Variants in RALYL observed in about 807,000 individuals in gnomAD.
The protein encoded by RALYL is RNA-binding Raly-like protein.
RALYL carries 29 observed loss-of-function variants against 35.1 expected under a neutral mutation model. That is an observed-to-expected ratio of 0.83 (90% CI 0.61 to 1.13). The LOEUF is 1.13. Among genes scored for constraint, RALYL ranks in the 50% most tolerant of loss-of-function variants. The pLI is 0.00. For missense variants in RALYL, 359 were observed against 360.4 expected, an observed-to-expected ratio of 1.00 and a Z score of 0.03; for synonymous variants, 120 against 127.6, an observed-to-expected ratio of 0.94 and a Z score of 0.40.
intron 2 of RALYL, among the ~76,000 whole-genome samples, chr8:84,537,022 C>T (rs1382829510): frequency 6.6e-6 from 1 of 151,880 alleles, no homozygotes; most frequent in East Asian, 1.9e-4. Context: ...TTATGTTATA[C>T]AGATTATGCA....
In RALYL at chr8:84,317,116, A is replaced by T. The variant is rs567072084; in HGVS notation, c.-24+132692A>T. On this transcript the variant is annotated intron_variant, in intron 1 of 8. Transcript: ENST00000521268. ...AGAGCAGCAGGGATGAAGCACATAA[A>T]AACTTGCACTACATATTATTTTGTG... Among the ~76,000 whole-genome samples the T allele has an allele frequency of 7.3e-4, 111 of 152,294 alleles. 4 individuals are homozygous for T. In the South Asian group the frequency reaches 0.022, roughly 30 times the overall value.
In RALYL at chr8:84,899,604, A is replaced by C. The variant is rs528465230; in HGVS notation, c.858+11828A>C. ...AAGCAAACAGTTTTCATTATAGCTTAATCACTAGGTCATTCAGGCAGCAGC... is the reference window on the plus strand; with the variant it reads ...AAGCAAACAGTTTTCATTATAGCTTCATCACTAGGTCATTCAGGCAGCAGC... On this transcript the variant is annotated intron_variant, in intron 8 of 8. Coordinates refer to ENST00000521268, the MANE Select transcript of RALYL (RefSeq NM_173848.7). 2.0e-5 allele frequency among the ~76,000 whole-genome samples: 3 copies of C among 152,246 alleles called. No individual in the cohort carries two copies. The East Asian group carries it at 5.8e-4, about 29-fold the overall frequency.
chr8:84,490,346 G>A (rs1245662207), intron 1 of RALYL, among the ~76,000 whole-genome samples: 2 of 151,984 alleles, frequency 1.3e-5, no homozygotes, highest in East Asian at 1.9e-4. Context: ...CCCTCAAGGG[G>A]CCATAGCAAA....
intron 4 of RALYL, among the ~76,000 whole-genome samples, chr8:84,829,683 G>A (rs1376334456): frequency 6.6e-6 from 1 of 152,046 alleles, no homozygotes; most frequent in Non-Finnish European, 1.5e-5. Context: ...AAAAGATACA[G>A]GTGACTCTTG....
chr8:84,428,127 C>CACACACAA (rs1442602557), intron 1 of RALYL, among the ~76,000 whole-genome samples: 1 of 151,616 alleles, frequency 6.6e-6, no homozygotes, highest in African/African-American at 2.4e-5. Flanking sequence ...CACACACACA[C>CACACACAA]ACACACACAC....
chr8:84,688,863 C>T (rs556657095), intron 2 of RALYL, among the ~76,000 whole-genome samples: 5 of 151,982 alleles, frequency 3.3e-5, no homozygotes, highest in African/African-American at 1.2e-4. Context: ...GTAAGAAACT[C>T]AATAGCGAAC....
At chr8:84,483,309 T>C (rs978874496) in intron 1 of RALYL, among the ~76,000 whole-genome samples, 3 of 152,224 alleles carry the variant, frequency 2.0e-5, no homozygotes, top group African/African-American at 7.2e-5. Context: ...GATATAAACT[T>C]TGAAATACTA....
intron 4 of RALYL, among the ~76,000 whole-genome samples, chr8:84,847,841 C>A (rs1485359534): frequency 6.6e-6 from 1 of 152,128 alleles, no homozygotes; most frequent in Admixed American, 6.5e-5. Flanking sequence ...ATTTCAGCAC[C>A]TGAACCCAAA....
intron 1 of RALYL, among the ~76,000 whole-genome samples, chr8:84,425,182 C>A (rs1165783992): frequency 1.3e-5 from 2 of 152,152 alleles, no homozygotes; most frequent in African/African-American, 4.8e-5. Flanking sequence ...TCTCAGACTG[C>A]TGTGCTAGCA....
At chr8:84,368,592 A>G (rs1290202853) in intron 1 of RALYL, among the ~76,000 whole-genome samples, 3 of 152,156 alleles carry the variant, frequency 2.0e-5, no homozygotes, top group Non-Finnish European at 4.4e-5. Context: ...TCATGGTGGA[A>G]GGTGAAAGGC....
chr8:84,462,601 ATT>A (rs10667055), intron 1 of RALYL, among the ~76,000 whole-genome samples: 14 of 136,778 alleles, frequency 1.0e-4, no homozygotes, highest in East Asian at 4.2e-4. Context: ...ATCTAGATTC[ATT>A]TTTTTTTTTT....
At chr8:84,570,039 C>G (rs1035514359) in intron 2 of RALYL, among the ~76,000 whole-genome samples, 2 of 151,814 alleles carry the variant, frequency 1.3e-5, no homozygotes, top group African/African-American at 4.8e-5. Flanking sequence ...CATATTTCTT[C>G]TTTTTGATGA....
rs76885544 is a variant in RALYL at position 84,372,886 on chromosome 8, G to GTTTTTTTTTTTTTTTT, written c.-23-156399_-23-156384dup. ...TTTCTCCACAACCATGCCAGCATCT[G>GTTTTTTTTTTTTTTTT]TTTTTTTTTTTTTTTTTTTTTTTTT... On this transcript the variant is annotated intron_variant, in intron 1 of 8. Transcript: ENST00000521268. Among the ~76,000 whole-genome samples the GTTTTTTTTTTTTTTTT allele has an allele frequency of 2.9e-3, 112 of 39,074 alleles. 9 individuals carry two copies. The highest frequency in any genetic ancestry group is 4.2e-3 in the Admixed American group (11 of 2,642). The allele number at this position is 39,074 out of a possible 152,430, so 25.6% of individuals were successfully genotyped here. A position where few individuals can be genotyped will look rare whatever the true frequency, so the allele number is the denominator to read the frequency against.
At chr8:84,513,602 A>G (rs1441812656) in intron 1 of RALYL, among the ~76,000 whole-genome samples, 1 of 152,192 alleles carries the variant, frequency 6.6e-6, no homozygotes, top group Non-Finnish European at 1.5e-5. Context: ...TGTTGCTGAC[A>G]TTTAATTAAC....
intron 1 of RALYL, among the ~76,000 whole-genome samples, chr8:84,373,421 T>G (rs1202428724): frequency 2.0e-5 from 3 of 152,038 alleles, no homozygotes; most frequent in African/African-American, 7.2e-5. Context: ...GAGTCCAGTT[T>G]CAATTTTCTG....
At chr8:84,545,691 T>C (rs1253892754) in intron 2 of RALYL, among the ~76,000 whole-genome samples, 1 of 152,168 alleles carries the variant, frequency 6.6e-6, no homozygotes, top group Non-Finnish European at 1.5e-5. Flanking sequence ...AAATAGAGTA[T>C]TTTCTCACAT....
intron 1 of RALYL, among the ~76,000 whole-genome samples, chr8:84,387,753 C>T (rs1328813876): frequency 1.3e-5 from 2 of 151,532 alleles, no homozygotes; most frequent in East Asian, 3.9e-4. Flanking sequence ...GAATCTCCTT[C>T]TGCAGTTCCC....
At chr8:84,886,738 A>G (rs1422297290) in intron 7 of RALYL, among the ~76,000 whole-genome samples, 1 of 152,214 alleles carries the variant, frequency 6.6e-6, no homozygotes, top group Non-Finnish European at 1.5e-5. Flanking sequence ...AGGTTTCTGT[A>G]TATGGAATGC....
chr8:84,418,272 C>A (rs1425593746), intron 1 of RALYL, among the ~76,000 whole-genome samples: 1 of 152,116 alleles, frequency 6.6e-6, no homozygotes, highest in East Asian at 1.9e-4. Flanking sequence ...GTCTATATAT[C>A]TGCTTCCTCA....
Sources: allele counts gnomAD v4.1 joint callset (sites outside exome capture counted in the v4.1 genomes callset), GRCh38; gene constraint gnomAD v4.1.1; transcripts MANE v1.5; gene names NCBI Gene and HGNC (gene_info 2026-07-23, HGNC 2026-07-21).